DNMT3A: variants seen among roughly 807,000 people sequenced by gnomAD.
DNMT3A encodes the protein DNA methyltransferase 3 alpha.
In DNMT3A, 267 loss-of-function variants were observed where a neutral mutation model predicts 117.6. That is an observed-to-expected ratio of 2.27 (90% confidence interval 2.05 to 2.51). The LOEUF is 2.51. Ranked by LOEUF, DNMT3A falls within the 30% of genes most tolerant of loss-of-function variation. DNMT3A has a pLI of 0.00. For missense variants in DNMT3A, 1,029 were observed against 1,260.2 expected (o/e 0.82, Z 2.78); for synonymous variants, 432 against 474.8 (o/e 0.91, Z 1.17).
intron 3 of DNMT3A, among the ~76,000 whole-genome samples, chr2:25,292,954 C>T (rs139068730): frequency 4.8e-4 from 73 of 151,620 alleles, no homozygotes; most frequent in African/African-American, 1.5e-3. Flanking sequence ...ATGAATGACT[C>T]GCTGAAGGTG....
At chr2:25,318,122 C>T (rs1326253058) in intron 1 of DNMT3A, among the ~76,000 whole-genome samples, 1 of 152,232 alleles carries the variant, frequency 6.6e-6, no homozygotes, top group Non-Finnish European at 1.5e-5. Flanking sequence ...CAACCATTTC[C>T]TTCTCTGGAG....
At chr2:25,315,050 C>T (rs1199582816) in intron 1 of DNMT3A, among the ~76,000 whole-genome samples, 1 of 152,214 alleles carries the variant, frequency 6.6e-6, no homozygotes, top group Non-Finnish European at 1.5e-5. Context: ...GCCGCCAAGC[C>T]CCTGCCTTGA....
At chr2:25,276,707 C>T (rs1227683984) in intron 4 of DNMT3A, among the ~76,000 whole-genome samples, 1 of 152,258 alleles carries the variant, frequency 6.6e-6, no homozygotes, top group Non-Finnish European at 1.5e-5. Context: ...AGTGAGCCCT[C>T]CTTCCACCTG....
At chr2:25,243,435 A>G (rs1209887979) in intron 16 of DNMT3A, among the ~76,000 whole-genome samples, 1 of 152,256 alleles carries the variant, frequency 6.6e-6, no homozygotes, top group Admixed American at 6.5e-5. Flanking sequence ...GTATGGTTAT[A>G]TAAACACAAA....
intron 6 of DNMT3A, among the ~76,000 whole-genome samples, chr2:25,248,921 G>A (rs1675191521): frequency 6.6e-6 from 1 of 152,084 alleles, no homozygotes; most frequent in Admixed American, 6.6e-5. Flanking sequence ...CAACGTGCAG[G>A]TTTGTTACAT....
intron 4 of DNMT3A, among the ~76,000 whole-genome samples, chr2:25,275,837 T>G (rs1278116249): frequency 2.0e-5 from 3 of 152,084 alleles, no homozygotes; most frequent in Admixed American, 6.5e-5. Context: ...GTCAACTCTG[T>G]CTCAGGTACA....
Position 25,298,189 on chromosome 2 carries a change from A to G in DNMT3A, c.177+1950T>C, listed in dbSNP as rs1276764478. Among the ~76,000 whole-genome samples, 1 of 152,220 alleles carries G rather than the reference A, an allele frequency of 6.6e-6. No homozygotes were observed. The highest frequency in any genetic ancestry group is 1.5e-5 in the Non-Finnish European group (1 of 68,024). On this transcript the variant is annotated intron_variant, in intron 3 of 22. Transcript: ENST00000321117. This position sits in a 1 kb window ranked among gnomAD's most constrained non-coding sequence, Gnocchi z 4.3. ...TACACAGGTGGTCAGTGGTGGAGCC[A>G]GAATTTGAACTCAGGTCTCTTGGAC...
At chr2:25,297,155 C>T (rs923172431) in intron 3 of DNMT3A, among the ~76,000 whole-genome samples, 13 of 152,160 alleles carry the variant, frequency 8.5e-5, no homozygotes, top group African/African-American at 3.1e-4. Flanking sequence ...GCAGGAATCC[C>T]CCAACATGGG....
intron 2 of DNMT3A, among the ~76,000 whole-genome samples, chr2:25,307,664 C>T (rs2033857377): frequency 6.6e-6 from 1 of 152,040 alleles, no homozygotes; most frequent in African/African-American, 2.4e-5. Context: ...CGGGGTTTTG[C>T]CATGTTGGCC....
chr2:25,312,785 G>T (rs1472291713), intron 2 of DNMT3A, among the ~76,000 whole-genome samples: 1 of 152,202 alleles, frequency 6.6e-6, no homozygotes, highest in Non-Finnish European at 1.5e-5. Context: ...CAAGAGGGAG[G>T]TCTCAGAGCT....
rs3039391 is a variant in DNMT3A, at chr2:25,300,712, AATATATATATAT to A, written c.73-481_73-470del. ...ATATATTTATATATCTAAATAATAT[AATATATATATAT>A]ATATATATATATATATATATATATA... On this transcript the variant is annotated intron_variant, in intron 2 of 22. Coordinates refer to ENST00000321117, the MANE Select transcript of DNMT3A (RefSeq NM_022552.5). Among the ~76,000 whole-genome samples, 142 of 18,900 alleles carry A rather than the reference AATATATATATAT, an allele frequency of 7.5e-3. 1 individual carries two copies. The highest frequency in any genetic ancestry group is 8.9e-3 in the Admixed American group (10 of 1,122). 12.4% of individuals were successfully genotyped at this position (18,900 alleles called of 152,430 possible). A position where few individuals can be genotyped will look rare whatever the true frequency, so the allele number is the denominator to read the frequency against.
At position 25,252,163 on chromosome 2, in the gene DNMT3A, G is replaced by C; in HGVS notation, c.640-3911C>G. On this transcript the variant is annotated intron_variant, in intron 6 of 22. Transcript: ENST00000321117. This position sits in a 1 kb window ranked among gnomAD's most constrained non-coding sequence, Gnocchi z 5.5. ...CCGGCCCTGCCGCCTCCCCGCCCCC[G>C]GTCTCCCCGGGGCTCCGTCCAGGAA... 1.9e-6 allele frequency: 3 copies of C among 1,556,656 alleles called. No homozygotes were observed. The highest frequency in any genetic ancestry group is 1.7e-6 in the Non-Finnish European group (2 of 1,152,068).
Position 25,271,550 on chromosome 2 carries a change from G to A in DNMT3A, c.639+3391C>T, listed in dbSNP as rs200887667. Among the ~76,000 whole-genome samples the A allele has an allele frequency of 9.8e-5, 15 of 152,326 alleles. No homozygotes were observed. The East Asian group carries it at 1.9e-3, about 20-fold the overall frequency. On this transcript the variant is annotated intron_variant, in intron 6 of 22. Transcript: ENST00000321117. ...TGGGCCCCACATTGGAATAGGAAAC[G>A]TAAATTCTAATTCCATTCTAGTCCT...
At position 25,327,795 on chromosome 2, in the gene DNMT3A, G is replaced by A. The variant is rs527997241; in HGVS notation, c.-177-13634C>T. On this transcript the variant is annotated intron_variant, in intron 1 of 22. Coordinates refer to ENST00000321117, the MANE Select transcript of DNMT3A (RefSeq NM_022552.5). This position sits in a 1 kb window ranked among gnomAD's most constrained non-coding sequence, Gnocchi z 4.1. ...TCCAGAACATGCTTCTTTCAGAGCC[G>A]GCTCTATTTTCTGGTTTTTCCCTCT... is the stretch of plus-strand genomic sequence containing the variant. Among the ~76,000 whole-genome samples the A allele has an allele frequency of 6.6e-6, 1 of 152,214 alleles. No individual in the cohort carries two copies. The highest frequency in any genetic ancestry group is 1.9e-4 in the East Asian group (1 of 5,188).
intron 1 of DNMT3A, among the ~76,000 whole-genome samples, chr2:25,340,893 C>T (rs2035399621): frequency 6.9e-6 from 1 of 145,060 alleles, no homozygotes; most frequent in Non-Finnish European, 1.5e-5. Flanking sequence ...TCGCCCGCCC[C>T]CGCCCCGCCC....
chr2:25,336,925 C>T lies in DNMT3A; in HGVS notation c.-178+4901G>A, dbSNP rs565770868. Among the ~76,000 whole-genome samples, 14 of 152,320 alleles carry T rather than the reference C, an allele frequency of 9.2e-5. No individual in the cohort carries two copies. The East Asian group carries it at 1.2e-3, about 13-fold the overall frequency. ...CTTAGTTGGTTGTGACCTCACTCTCCTTTGAGCACTTTATTTCTCCCTCTC... is the reference window on the plus strand; with the variant it reads ...CTTAGTTGGTTGTGACCTCACTCTCTTTTGAGCACTTTATTTCTCCCTCTC... On this transcript the variant is annotated intron_variant, in intron 1 of 22. Coordinates refer to ENST00000321117, the MANE Select transcript of DNMT3A (RefSeq NM_022552.5).
rs774894633 is a variant in DNMT3A, at chr2:25,245,206, G to A, written c.1554+47C>T. ...GGTGGACACAGTCAGCCAGAAGGCC[G>A]AAGGGCCGGCCTCAACGGCACCTCT... On this transcript the variant is annotated intron_variant, in intron 13 of 22. Coordinates refer to ENST00000321117, the MANE Select transcript of DNMT3A (RefSeq NM_022552.5). 8 of 1,588,562 alleles carry A rather than the reference G, an allele frequency of 5.0e-6. No individual in the cohort carries two copies. In the South Asian group the frequency reaches 5.6e-5, roughly 11 times the overall value.
intron 13 of DNMT3A, 81 bp downstream of exon 13, chr2:25,245,172 C>A: frequency 1.5e-6 from 2 of 1,378,806 alleles, no homozygotes; most frequent in Non-Finnish European, 2.0e-6. Context: ...CCTGTACATG[C>A]CCAGAAGCGG....
chr2:25,246,523 GA>G (rs1674793745), intron 10 of DNMT3A, 96 bp downstream of exon 10: 2 of 1,519,772 alleles, frequency 1.3e-6, no homozygotes, highest in African/African-American at 2.8e-5. Context: ...CCCCTCTGTG[GA>G]GGCCTTGGCA....
Sources: gnomAD v4.1 joint callset for allele counts (sites outside exome capture counted in the v4.1 genomes callset) on GRCh38, gnomAD v4.1.1 for gene constraint, Gnocchi (gnomAD v3.1) non-coding constraint, MANE v1.5 for transcripts, NCBI Gene and HGNC (gene_info 2026-07-23, HGNC 2026-07-21) for gene names.